RAD51B: variants seen among roughly 807,000 people sequenced by gnomAD.
The protein encoded by RAD51B is RAD51 paralog B.
Under a neutral mutation model 42.2 loss-of-function variants are expected in RAD51B, and 38 were observed. That is an observed-to-expected ratio of 0.90 (90% CI 0.70 to 1.18). RAD51B has a LOEUF of 1.18. Among genes scored for constraint, RAD51B ranks in the 50% most tolerant of loss-of-function variants. The probability of loss-of-function intolerance (pLI) is 0.00; values close to 1 mark genes in which losing one functional copy is unlikely to be tolerated. For missense variants in RAD51B, 373 were observed against 400.7 expected, an observed-to-expected ratio of 0.93 and a Z score of 0.59; for synonymous variants, 154 against 145.2, an observed-to-expected ratio of 1.06 and a Z score of -0.43.
intron 9 of RAD51B, among the ~76,000 whole-genome samples, chr14:68,463,401 C>T (rs1251481715): frequency 6.6e-6 from 1 of 152,008 alleles, no homozygotes; most frequent in African/African-American, 2.4e-5. Context: ...TGTGCATCTT[C>T]ATATAGTATA....
At chr14:67,972,196 A>T (rs2074911182) in intron 7 of RAD51B, among the ~76,000 whole-genome samples, 1 of 151,884 alleles carries the variant, frequency 6.6e-6, no homozygotes, top group Non-Finnish European at 1.5e-5. Flanking sequence ...GTCAGATAGC[A>T]GGCAGAAGAC....
chr14:68,351,459 C>T (rs770388304), intron 8 of RAD51B, among the ~76,000 whole-genome samples: 3 of 152,112 alleles, frequency 2.0e-5, no homozygotes, highest in Non-Finnish European at 2.9e-5. Flanking sequence ...CTCCTGCCCA[C>T]ACAAAGCTTA....
At chr14:67,890,618 C>G (rs1262229930) in intron 7 of RAD51B, among the ~76,000 whole-genome samples, 2 of 122,964 alleles carry the variant, frequency 1.6e-5, no homozygotes, top group African/African-American at 6.0e-5. Context: ...CCCCTCCCCC[C>G]ACCCCACAAC....
chr14:68,509,913 C>A (rs1379227301), intron 10 of RAD51B, among the ~76,000 whole-genome samples: 1 of 152,232 alleles, frequency 6.6e-6, no homozygotes, highest in African/African-American at 2.4e-5. Flanking sequence ...GGGTGCCCCG[C>A]AAGCACTTGG....
chr14:68,211,139 C>T (rs1248964031), intron 7 of RAD51B, among the ~76,000 whole-genome samples: 1 of 152,146 alleles, frequency 6.6e-6, no homozygotes, highest in Non-Finnish European at 1.5e-5. Context: ...AAGAGCATTG[C>T]CACATGGTGC....
intron 7 of RAD51B, among the ~76,000 whole-genome samples, chr14:68,042,551 A>C (rs1436722662): frequency 1.3e-5 from 2 of 152,152 alleles, no homozygotes; most frequent in Non-Finnish European, 2.9e-5. Flanking sequence ...TTTTGTAATT[A>C]TTTAGAATTG....
intron 7 of RAD51B, among the ~76,000 whole-genome samples, chr14:68,063,506 C>T (rs375342412): frequency 6.6e-4 from 100 of 152,192 alleles, no homozygotes; most frequent in African/African-American, 2.1e-3. Context: ...GAGGCCGAAG[C>T]GGGCGGAAAT....
chr14:67,998,233 A>G (rs1217940771), intron 7 of RAD51B, among the ~76,000 whole-genome samples: 4 of 152,222 alleles, frequency 2.6e-5, no homozygotes, highest in East Asian at 1.9e-4. Flanking sequence ...TTAACGTTAC[A>G]TAAACATGGG....
intron 8 of RAD51B, among the ~76,000 whole-genome samples, chr14:68,382,778 C>T (rs547410498): frequency 2.3e-4 from 35 of 152,304 alleles, no homozygotes; most frequent in Admixed American, 8.5e-4. Context: ...AAAAACATAT[C>T]CTACTGGTGG....
At chr14:68,327,226 ACTAT>A (rs2082266768) in intron 8 of RAD51B, among the ~76,000 whole-genome samples, 2 of 152,072 alleles carry the variant, frequency 1.3e-5, no homozygotes, top group African/African-American at 4.8e-5. Context: ...TAGTTCTTAA[ACTAT>A]CAATCTGATG....
chr14:68,410,908 ATCT>A (rs1451856378), intron 8 of RAD51B, among the ~76,000 whole-genome samples: 1 of 150,944 alleles, frequency 6.6e-6, no homozygotes, highest in East Asian at 1.9e-4. Context: ...AAATGCTGAG[ATCT>A]TCTAGATTCC....
chr14:68,383,042 A>C (rs1206539382), intron 8 of RAD51B, among the ~76,000 whole-genome samples: 1 of 152,214 alleles, frequency 6.6e-6, no homozygotes, highest in African/African-American at 2.4e-5. Flanking sequence ...TGGAAAAATC[A>C]ATTAATTTTT....
At chr14:67,928,348 AGAAG>A (rs917649631) in intron 7 of RAD51B, among the ~76,000 whole-genome samples, 1 of 152,190 alleles carries the variant, frequency 6.6e-6, no homozygotes, top group African/African-American at 2.4e-5. Context: ...TAGGCAAGAA[AGAAG>A]GAAGAAGCTC....
intron 5 of RAD51B, among the ~76,000 whole-genome samples, chr14:67,873,473 CTT>C (rs1041486769): frequency 1.5e-3 from 229 of 149,366 alleles, no homozygotes; most frequent in Non-Finnish European, 2.4e-3. Flanking sequence ...AATAGGAACA[CTT>C]TTACACTGTT....
chr14:68,286,642 A>T (rs977978688), intron 7 of RAD51B, among the ~76,000 whole-genome samples: 2 of 152,170 alleles, frequency 1.3e-5, no homozygotes, highest in African/African-American at 2.4e-5. Flanking sequence ...ATGGCTACTC[A>T]TGGGGCCCCC....
At chr14:68,004,489 A>G (rs2075546980) in intron 7 of RAD51B, among the ~76,000 whole-genome samples, 1 of 151,980 alleles carries the variant, frequency 6.6e-6, no homozygotes, top group African/African-American at 2.4e-5. Flanking sequence ...CTCTGGAAAA[A>G]TTTTTATAAC....
intron 7 of RAD51B, among the ~76,000 whole-genome samples, chr14:68,107,783 T>C (rs1345078258): frequency 1.3e-5 from 2 of 151,826 alleles, no homozygotes; most frequent in Admixed American, 6.6e-5. Context: ...CGAAGTTGAA[T>C]TGGTACTTTA....
chr14:68,561,759 C>T (rs753285433), intron 10 of RAD51B, among the ~76,000 whole-genome samples: 12 of 152,206 alleles, frequency 7.9e-5, no homozygotes, highest in Non-Finnish European at 1.5e-4. Flanking sequence ...CATTCTGAGA[C>T]GGGAGCTCCT....
chr14:68,656,718 C>T (rs1282608830), intron 11 of RAD51B, among the ~76,000 whole-genome samples: 1 of 152,160 alleles, frequency 6.6e-6, no homozygotes, highest in Non-Finnish European at 1.5e-5. Context: ...CCCCAGGTCC[C>T]CCACCCCTGA....
Sources: allele counts gnomAD v4.1 joint callset (sites outside exome capture counted in the v4.1 genomes callset), GRCh38; gene constraint gnomAD v4.1.1; transcripts MANE v1.5; gene names NCBI Gene and HGNC (gene_info 2026-07-23, HGNC 2026-07-21).